The following SMC1B variants were observed in gnomAD, a reference collection of about 807,000 sequenced individuals.
The protein encoded by SMC1B is structural maintenance of chromosomes protein 1B.
SMC1B carries 60 observed loss-of-function variants against 157.9 expected under a neutral mutation model. The observed-to-expected ratio is 0.38, with a 90% CI of 0.31 to 0.47. The LOEUF is 0.47. Ranked by LOEUF, SMC1B falls within the 20% of genes least tolerant of loss-of-function variation. The pLI is 0.99. For synonymous variants in SMC1B, 445 were observed against 483.0 expected, an observed-to-expected ratio of 0.92 and a Z score of 1.03; for missense variants, 1,165 against 1,426.2, an observed-to-expected ratio of 0.82 and a Z score of 2.95.
chr22:45,413,441 C>T lies in SMC1B; in HGVS notation c.109+18G>A. 1 of 1,585,492 alleles carries T rather than the reference C, an allele frequency of 6.3e-7. No homozygotes were observed. Among genetic ancestry groups the T allele is most frequent in the Admixed American group, 1.8e-5 (1 of 57,102 alleles). On this transcript the variant is annotated intron_variant, in intron 1 of 24. Transcript: ENST00000357450. ...GACGGCGGAGGCGCTCCGGTGGCGC[C>T]CTGAGCTGCTCAGTTACCAGAGCCG...
At chr22:45,355,227 T>C in intron 19 of SMC1B, 112 bp from the exon 20 acceptor site, 2 of 1,024,844 alleles carry the variant, frequency 2.0e-6, no homozygotes, top group Non-Finnish European at 3.0e-6. Flanking sequence ...CATCCACTCC[T>C]TCTCTCCCCA....
chr22:45,388,039 A>AC (rs980764900), intron 10 of SMC1B, among the ~76,000 whole-genome samples: 6 of 150,058 alleles, frequency 4.0e-5, no homozygotes, highest in African/African-American at 7.4e-5. Context: ...TCAAAAAAAA[A>AC]AACAGCAAAA....
At position 45,408,893 on chromosome 22, in the gene SMC1B, A is replaced by C. The variant is rs753354061; in HGVS notation, c.115T>G (p.Ser39Ala). The change falls in exon 2 of 25, where the codon TCT (serine) becomes GCT (alanine). Residue 39 changes from serine to alanine, a missense_variant. Coordinates refer to ENST00000357450, the MANE Select transcript of SMC1B (RefSeq NM_148674.5). ...CIIGPNGSGK[S>A]NVMDALSFVM... ...AAACTAAGTGCATCCATTACATTAG[A>C]TTTTCCTGGGGAAGAAAAGAGATAA... The C allele has an allele frequency of 1.3e-5, 19 of 1,494,166 alleles. No individual in the cohort carries two copies. Among genetic ancestry groups the C allele is most frequent in the Non-Finnish European group, 1.7e-5 (19 of 1,121,100 alleles). 92.6% of individuals were successfully genotyped at this position (1,494,166 alleles called of 1,614,324 possible). A position where few individuals can be genotyped will look rare whatever the true frequency, so the allele number is the denominator to read the frequency against.
intron 15 of SMC1B, among the ~76,000 whole-genome samples, chr22:45,367,369 G>A (rs1026487669): frequency 1.3e-5 from 2 of 152,298 alleles, no homozygotes; most frequent in African/African-American, 4.8e-5. Flanking sequence ...TTCAGCTCCA[G>A]CAAACTTTGG....
chr22:45,362,477 C>T (rs1034059910), intron 16 of SMC1B, among the ~76,000 whole-genome samples: 5 of 152,162 alleles, frequency 3.3e-5, no homozygotes, highest in African/African-American at 7.2e-5. Flanking sequence ...CAACCATTCT[C>T]ATGTGGTTTC....
At chr22:45,384,247 T>C (rs1365794103) in intron 11 of SMC1B, among the ~76,000 whole-genome samples, 1 of 152,264 alleles carries the variant, frequency 6.6e-6, no homozygotes, top group Admixed American at 6.5e-5. Flanking sequence ...TTTTCCATAG[T>C]GATTTGTAAG....
intron 6 of SMC1B, among the ~76,000 whole-genome samples, chr22:45,398,480 G>A (rs2087153094): frequency 6.6e-6 from 1 of 152,180 alleles, no homozygotes; most frequent in Non-Finnish European, 1.5e-5. Flanking sequence ...GACCAAGCAA[G>A]GCCTGAGCAA....
At chr22:45,368,815 G>A (rs1005684431) in intron 15 of SMC1B, among the ~76,000 whole-genome samples, 1 of 152,066 alleles carries the variant, frequency 6.6e-6, no homozygotes, top group African/African-American at 2.4e-5. Context: ...CACCACACCT[G>A]GGCTGAAACA....
intron 6 of SMC1B, among the ~76,000 whole-genome samples, chr22:45,397,362 T>A (rs1171589415): frequency 6.6e-6 from 1 of 151,888 alleles, no homozygotes; most frequent in Non-Finnish European, 1.5e-5. Context: ...ACAAAAAATT[T>A]AAAAATTAGA....
chr22:45,397,871 T>C (rs1377836430), intron 6 of SMC1B, among the ~76,000 whole-genome samples: 6 of 152,196 alleles, frequency 3.9e-5, no homozygotes, highest in African/African-American at 1.4e-4. Flanking sequence ...AATAAAATTC[T>C]TCTTTGCCTT....
At chr22:45,410,708 A>T (rs2087322749) in intron 1 of SMC1B, among the ~76,000 whole-genome samples, 1 of 152,180 alleles carries the variant, frequency 6.6e-6, no homozygotes, top group Non-Finnish European at 1.5e-5. Flanking sequence ...ATCTCAAGAC[A>T]AAAGAAATAA....
At chr22:45,372,488 CA>C (rs1294038121) in intron 12 of SMC1B, among the ~76,000 whole-genome samples, 196 bp from the exon 13 acceptor site, 4 of 151,906 alleles carry the variant, frequency 2.6e-5, no homozygotes, top group African/African-American at 9.7e-5. Flanking sequence ...ACAGCTTCCT[CA>C]AAAAAACTAA....
intron 15 of SMC1B, among the ~76,000 whole-genome samples, chr22:45,367,653 G>A (rs1014455539): frequency 6.6e-6 from 1 of 152,186 alleles, no homozygotes. Context: ...TATGGGCTGA[G>A]GCAGGGACAG....
intron 1 of SMC1B, among the ~76,000 whole-genome samples, chr22:45,409,610 A>AAAT (rs141154746): frequency 0.053 from 1,824 of 34,444 alleles, 24 homozygotes; most frequent in East Asian, 0.15. Flanking sequence ...ATAAATAAAT[A>AAAT]AAAACAAGAG....
At chr22:45,363,379 C>CT (rs1254787662) in intron 15 of SMC1B, among the ~76,000 whole-genome samples, 1 of 152,140 alleles carries the variant, frequency 6.6e-6, no homozygotes, top group African/African-American at 2.4e-5. Context: ...GCCAAATTTC[C>CT]TTTTTAAAAA....
At chr22:45,413,174 G>A (rs1052256279) in intron 1 of SMC1B, among the ~76,000 whole-genome samples, 5 of 152,120 alleles carry the variant, frequency 3.3e-5, no homozygotes, top group African/African-American at 4.8e-5. Context: ...GGCGAGAGCG[G>A]GGCCCGAGGC....
At chr22:45,411,088 C>T (rs2087327719) in intron 1 of SMC1B, among the ~76,000 whole-genome samples, 1 of 152,172 alleles carries the variant, frequency 6.6e-6, no homozygotes, top group South Asian at 2.1e-4. Flanking sequence ...TCATCCAAAT[C>T]CATTTATTCC....
At chr22:45,380,088 A>G (rs955046800) in intron 12 of SMC1B, among the ~76,000 whole-genome samples, 1 of 152,178 alleles carries the variant, frequency 6.6e-6, no homozygotes, top group African/African-American at 2.4e-5. Context: ...CGTGGATGAC[A>G]ATCTGAATTT....
chr22:45,407,633 G>C (rs1436712542), intron 2 of SMC1B, among the ~76,000 whole-genome samples: 2 of 152,024 alleles, frequency 1.3e-5, no homozygotes, highest in Non-Finnish European at 2.9e-5. Flanking sequence ...GCTAATTGTA[G>C]AGACAAGGTC....
Sources: allele counts gnomAD v4.1 joint callset (sites outside exome capture counted in the v4.1 genomes callset), GRCh38; gene constraint gnomAD v4.1.1; transcripts MANE v1.5; gene names NCBI Gene and HGNC (gene_info 2026-07-23, HGNC 2026-07-21).